The following MCTP1 variants were observed in gnomAD, a reference collection of about 807,000 sequenced individuals.
The protein encoded by MCTP1 is multiple C2 and transmembrane domain-containing protein 1.
A neutral mutation model predicts 120.6 loss-of-function variants in MCTP1; 69 were observed. The ratio of observed to expected loss-of-function variants is 0.57; its 90% CI spans 0.47 to 0.70. The LOEUF (loss-of-function observed/expected upper bound fraction) is 0.70. Among genes scored for constraint, MCTP1 ranks in the 30% least tolerant of loss-of-function variants. The pLI is 0.00. For missense variants in MCTP1, 1,203 were observed against 1,248.8 expected (o/e 0.96, Z 0.55); for synonymous variants, 529 against 493.1 (o/e 1.07, Z -0.96).
chr5:94,736,500 G>A (rs1456325504), intron 19 of MCTP1, among the ~76,000 whole-genome samples: 1 of 151,966 alleles, frequency 6.6e-6, no homozygotes, highest in African/African-American at 2.4e-5. Context: ...AATTTTTTTG[G>A]GGGGGATCCT....
chr5:95,040,412 C>A (rs1377235327), intron 1 of MCTP1, among the ~76,000 whole-genome samples: 2 of 150,468 alleles, frequency 1.3e-5, no homozygotes, highest in Non-Finnish European at 2.9e-5. Flanking sequence ...GCACTCCAGC[C>A]TTGGCGACAT....
chr5:94,898,602 C>T (rs924900149), intron 10 of MCTP1, among the ~76,000 whole-genome samples: 1 of 152,122 alleles, frequency 6.6e-6, no homozygotes, highest in Non-Finnish European at 1.5e-5. Context: ...GGAGGTTTCA[C>T]TACTGTTTGA....
rs1754147000 is a variant in MCTP1, at chr5:94,704,741, A to C, written c.*2755T>G. On this transcript the variant is annotated 3_prime_UTR_variant, in exon 23 of 23. Transcript: ENST00000515393. ...AATATATCACAGAGTCCTTTTAAGAATCTCCCAACTCAGATTATCCTAGTG... is the reference window on the plus strand; with the variant it reads ...AATATATCACAGAGTCCTTTTAAGACTCTCCCAACTCAGATTATCCTAGTG... The C allele has an allele frequency of 6.6e-6, 1 of 151,044 alleles. No individual in the cohort carries two copies. Among genetic ancestry groups the C allele is most frequent in the Non-Finnish European group, 1.5e-5 (1 of 67,420 alleles). 9.4% of individuals were successfully genotyped at this position (151,044 alleles called of 1,614,324 possible).
At chr5:94,709,742 A>C (rs1756113079) in intron 21 of MCTP1, 1 of 152,100 alleles carries the variant, frequency 6.6e-6, no homozygotes, top group Admixed American at 6.6e-5. Context: ...AGAAATTAGG[A>C]AAGGAAAAAA....
In MCTP1 at chr5:94,843,926, A is replaced by G. The variant is rs184977946; in HGVS notation, c.2436+24407T>C. 9.9e-5 allele frequency among the ~76,000 whole-genome samples: 15 copies of G among 152,284 alleles called. No homozygotes were observed. The East Asian group carries it at 2.5e-3, about 25-fold the overall frequency. ...TGTAGTTTTTTGTTTTGTTTTTGCT[A>G]TGTCTCTAAATGTTCCAGTAGATTA... On this transcript the variant is annotated intron_variant, in intron 17 of 22. Transcript: ENST00000515393.
At chr5:94,801,655 T>C (rs139129793) in intron 17 of MCTP1, among the ~76,000 whole-genome samples, 7 of 152,340 alleles carry the variant, frequency 4.6e-5, no homozygotes, top group African/African-American at 1.7e-4. Flanking sequence ...TTTTAACCTA[T>C]TAAGCAGATA....
chr5:95,023,432 A>C (rs939750942), intron 1 of MCTP1, among the ~76,000 whole-genome samples: 15 of 152,250 alleles, frequency 9.9e-5, no homozygotes, highest in African/African-American at 3.6e-4. Flanking sequence ...CTATCAACTG[A>C]ATTTGCCAAC....
At chr5:94,799,171 A>C (rs761000711) in intron 17 of MCTP1, 39 bp from the exon 18 acceptor site, 8 of 1,587,052 alleles carry the variant, frequency 5.0e-6, no homozygotes, top group Non-Finnish European at 6.0e-6. Context: ...ATGAGTCAAC[A>C]CTGAATTTCA....
intron 1 of MCTP1, among the ~76,000 whole-genome samples, chr5:95,223,003 T>C (rs1223842180): frequency 6.6e-6 from 1 of 152,242 alleles, no homozygotes. Flanking sequence ...GATTTCTCCC[T>C]TGCTGAGGGC....
rs1465715159 is a variant in MCTP1, at chr5:94,966,741, G to A, written c.839-13380C>T. The stretch of plus-strand genomic sequence containing the variant: ...ACCTGGGAGACGGAGGTTGCAGTGA[G>A]CCGAGACTGTGCCACTGCGCTCCAG... On this transcript the variant is annotated intron_variant, in intron 2 of 22. Coordinates refer to ENST00000515393, the MANE Select transcript of MCTP1 (RefSeq NM_024717.7). Among the ~76,000 whole-genome samples, 4 of 151,914 alleles carry A rather than the reference G, an allele frequency of 2.6e-5. No homozygotes were observed. In the East Asian group the frequency reaches 5.8e-4, roughly 22 times the overall value.
intron 1 of MCTP1, among the ~76,000 whole-genome samples, chr5:95,191,983 C>A (rs1190663553): frequency 6.6e-6 from 1 of 151,940 alleles, no homozygotes; most frequent in Non-Finnish European, 1.5e-5. Flanking sequence ...CAGAGCTAGT[C>A]ATTATGCAAT....
chr5:94,820,781 T>C (rs890258568), intron 17 of MCTP1, among the ~76,000 whole-genome samples: 1 of 152,232 alleles, frequency 6.6e-6, no homozygotes, highest in Non-Finnish European at 1.5e-5. Flanking sequence ...GAAGGTTGCC[T>C]GAAGGACATA....
At chr5:94,935,592 A>T (rs930714022) in intron 5 of MCTP1, among the ~76,000 whole-genome samples, 5 of 152,058 alleles carry the variant, frequency 3.3e-5, no homozygotes, top group Non-Finnish European at 5.9e-5. Context: ...CATTTTTAAT[A>T]CATATAAAAT....
intron 6 of MCTP1, among the ~76,000 whole-genome samples, chr5:94,928,091 G>C (rs58599809): frequency 1.3e-5 from 2 of 152,010 alleles, no homozygotes; most frequent in Admixed American, 1.3e-4. Context: ...ATTGCAATGC[G>C]TATGTTTTTA....
intron 2 of MCTP1, among the ~76,000 whole-genome samples, chr5:94,982,750 A>C (rs139961512): frequency 6.6e-6 from 1 of 151,768 alleles, no homozygotes; most frequent in African/African-American, 2.4e-5. Flanking sequence ...TTAACTGGGC[A>C]TGGTGGTGCA....
intron 1 of MCTP1, among the ~76,000 whole-genome samples, chr5:95,260,402 G>A (rs1365457432): frequency 6.6e-6 from 1 of 152,108 alleles, no homozygotes; most frequent in Non-Finnish European, 1.5e-5. Context: ...GTCACAAAGG[G>A]TTCTCGTGAC....
At chr5:95,151,247 G>A (rs530966387) in intron 1 of MCTP1, among the ~76,000 whole-genome samples, 298 of 151,620 alleles carry the variant, frequency 2.0e-3, no homozygotes, top group Non-Finnish European at 3.6e-3. Context: ...GCCTTCGAAA[G>A]TGCTAGGATT....
intron 2 of MCTP1, chr5:94,976,620 A>C (rs546804895): frequency 9.9e-5 from 15 of 152,234 alleles, no homozygotes; most frequent in African/African-American, 3.4e-4. Flanking sequence ...CTTGTGACAT[A>C]TCTCTCAATA....
intron 1 of MCTP1, among the ~76,000 whole-genome samples, chr5:95,222,334 T>C (rs1357301426): frequency 6.6e-6 from 1 of 152,158 alleles, no homozygotes; most frequent in East Asian, 1.9e-4. Flanking sequence ...AGGTAAAAAT[T>C]AGGGATTCTG....
Sources: gnomAD v4.1 joint callset for allele counts (sites outside exome capture counted in the v4.1 genomes callset) on GRCh38, gnomAD v4.1.1 for gene constraint, MANE v1.5 for transcripts, NCBI Gene and HGNC (gene_info 2026-07-23, HGNC 2026-07-21) for gene names.